PTBP3: variants seen among roughly 807,000 people sequenced by gnomAD.
The protein encoded by PTBP3 is polypyrimidine tract-binding protein 3.
In PTBP3, 20 loss-of-function variants were observed where a neutral mutation model predicts 58.7. The observed-to-expected ratio is 0.34, with a 90% CI of 0.24 to 0.50. The LOEUF (loss-of-function observed/expected upper bound fraction) is 0.50, where lower values mean the gene tolerates loss of function less well. PTBP3 is among the 20% of genes least tolerant of loss of function. The pLI, the probability that PTBP3 is intolerant of heterozygous loss-of-function variation, is 0.98. For missense variants in PTBP3, 509 were observed against 637.2 expected (o/e 0.80, Z 2.17); for synonymous variants, 185 against 219.8 (o/e 0.84, Z 1.40).
At chr9:112,280,746 T>G (rs1827821347) in intron 2 of PTBP3, among the ~76,000 whole-genome samples, 3 of 140,120 alleles carry the variant, frequency 2.1e-5, no homozygotes. Flanking sequence ...TCACTCTTCA[T>G]ACGTGTGTGT....
chr9:112,273,763 A>G (rs1045030822), intron 3 of PTBP3, among the ~76,000 whole-genome samples: 2 of 152,162 alleles, frequency 1.3e-5, no homozygotes, highest in African/African-American at 2.4e-5. Context: ...GGCCCCTGAC[A>G]CTCCATCCTC....
chr9:112,356,084 TCTCCTGCCTCAGC>T, the PTBP3 span, among the ~76,000 whole-genome samples: 2 of 151,120 alleles, frequency 1.3e-5, no homozygotes, highest in African/African-American at 4.9e-5. Flanking sequence ...TTAGATGGAT[TCTCCTGCCTCAGC>T]CTCCCAAGTA....
At chr9:112,359,230 C>A in the PTBP3 span, among the ~76,000 whole-genome samples, 1 of 151,154 alleles carries the variant, frequency 6.6e-6, no homozygotes, top group Admixed American at 6.6e-5. Flanking sequence ...CACCTGAGGT[C>A]AGGAGTTTGA....
upstream of PTBP3, among the ~76,000 whole-genome samples, chr9:112,338,257 T>G (rs1402360328): frequency 6.6e-6 from 1 of 152,194 alleles, no homozygotes. Context: ...GTCTTGATTA[T>G]GGGGTGGTTA....
upstream of PTBP3, among the ~76,000 whole-genome samples, chr9:112,338,018 CAG>C (rs1001811535): frequency 1.3e-5 from 2 of 152,122 alleles, no homozygotes; most frequent in Admixed American, 6.6e-5. Context: ...TTTCCCAAAA[CAG>C]AAACATCTGA....
In PTBP3 at chr9:112,220,021, T is replaced by C; in HGVS notation, c.*3830A>G. On this transcript the variant is annotated 3_prime_UTR_variant, in exon 14 of 14. Transcript: ENST00000374257. Reference sequence around the variant, plus strand: ...GCACAATAGTAGAGTATTTTGAGTCTGGCAGTTTTGTTCTCATTAACAGAT... The same window carrying C: ...GCACAATAGTAGAGTATTTTGAGTCCGGCAGTTTTGTTCTCATTAACAGAT... 1.0e-6 allele frequency: 1 copy of C among 1,000,424 alleles called. No individual in the cohort carries two copies. Among genetic ancestry groups the C allele is most frequent in the Non-Finnish European group, 1.3e-6 (1 of 795,148 alleles). 62.0% of individuals were successfully genotyped at this position (1,000,424 alleles called of 1,614,324 possible).
At chr9:112,217,967 A>G (rs1299056416), downstream of PTBP3, 1 of 152,226 alleles carries the variant, frequency 6.6e-6, no homozygotes, top group Non-Finnish European at 1.5e-5. Flanking sequence ...TACCTTTTTA[A>G]AGAGGACACA....
intron 7 of PTBP3, among the ~76,000 whole-genome samples, chr9:112,238,535 C>T (rs1341270162): frequency 6.6e-6 from 1 of 151,898 alleles, no homozygotes; most frequent in Non-Finnish European, 1.5e-5. Context: ...TCTAGAACCA[C>T]TAAAAATAAC....
chr9:112,369,534 C>T, the PTBP3 span, among the ~76,000 whole-genome samples: 1 of 152,168 alleles, frequency 6.6e-6, no homozygotes, highest in African/African-American at 2.4e-5. Flanking sequence ...CAATTTCTCC[C>T]ATTTGGAATG....
the PTBP3 span, among the ~76,000 whole-genome samples, chr9:112,374,235 C>T: frequency 1.6e-3 from 242 of 152,242 alleles, no homozygotes; most frequent in Non-Finnish European, 3.0e-3. Flanking sequence ...AGGAGGAGCA[C>T]AAAATGTCCA....
At chr9:112,304,379 A>G (rs1312970272) in intron 1 of PTBP3, among the ~76,000 whole-genome samples, 2 of 152,222 alleles carry the variant, frequency 1.3e-5, no homozygotes, top group Non-Finnish European at 2.9e-5. Context: ...CACCTTATTT[A>G]AGCATCTTTA....
chr9:112,242,343 T>C (rs1224655235), intron 7 of PTBP3, among the ~76,000 whole-genome samples: 2 of 151,134 alleles, frequency 1.3e-5, no homozygotes, highest in African/African-American at 4.8e-5. Flanking sequence ...GAGCCAGAGG[T>C]TTTGCCAACT....
chr9:112,277,933 TAACATAACATAATATAAC>T lies in PTBP3; in HGVS notation c.35-1938_35-1921del, dbSNP rs1564427556. On this transcript the variant is annotated intron_variant, in intron 2 of 13. Transcript: ENST00000374257. Reference sequence around the variant, plus strand: ...TAACATAACATAACATAACATAACATAACATAACATAATATAACATAACATAACATAACATAACATAAC... The same window carrying T: ...TAACATAACATAACATAACATAACATATAACATAACATAACATAACATAAC... Among the ~76,000 whole-genome samples the T allele has an allele frequency of 5.0e-3, 489 of 98,064 alleles. 5 individuals are homozygous for T. The highest frequency in any genetic ancestry group is 0.021 in the East Asian group (51 of 2,424). 64.3% of individuals were successfully genotyped at this position (98,064 alleles called of 152,430 possible).
the PTBP3 span, among the ~76,000 whole-genome samples, chr9:112,376,311 T>C: frequency 7.5e-6 from 1 of 134,124 alleles, no homozygotes; most frequent in African/African-American, 2.8e-5. Context: ...TGGAGTGCAG[T>C]GGCGTGGTCT....
downstream of PTBP3, chr9:112,218,022 C>T (rs770711168): frequency 2.0e-5 from 3 of 152,140 alleles, no homozygotes; most frequent in Non-Finnish European, 4.4e-5. Context: ...TGTATGTATA[C>T]TAATGCCGTA....
chr9:112,348,210 C>G, the PTBP3 span, among the ~76,000 whole-genome samples: 1 of 152,170 alleles, frequency 6.6e-6, no homozygotes, highest in East Asian at 1.9e-4. Context: ...GTGTCCCGTC[C>G]AAGGAATGTC....
In PTBP3 at chr9:112,294,605, A is replaced by T. The variant is rs188383408; in HGVS notation, c.34+3227T>A. 2.2e-3 allele frequency among the ~76,000 whole-genome samples: 331 copies of T among 152,364 alleles called. 1 individual carries two copies. The highest frequency in any genetic ancestry group is 7.5e-3 in the African/African-American group (313 of 41,596). On this transcript the variant is annotated intron_variant, in intron 2 of 13. Coordinates refer to ENST00000374257, the MANE Select transcript of PTBP3 (RefSeq NM_001163788.4). ...GCCACCTCCATTGCAATTAAGAACAAGACAAAGATAATCACAAATTACCAC... is the reference window on the plus strand; with the variant it reads ...GCCACCTCCATTGCAATTAAGAACATGACAAAGATAATCACAAATTACCAC...
At chr9:112,288,941 T>A (rs889008760) in intron 2 of PTBP3, among the ~76,000 whole-genome samples, 1 of 152,218 alleles carries the variant, frequency 6.6e-6, no homozygotes, top group Non-Finnish European at 1.5e-5. Flanking sequence ...TAGTGTTTAT[T>A]ATTAAATCAT....
the PTBP3 span, among the ~76,000 whole-genome samples, chr9:112,351,030 C>T: frequency 6.6e-6 from 1 of 152,214 alleles, no homozygotes; most frequent in Non-Finnish European, 1.5e-5. Context: ...AGTGATCTAC[C>T]TGCCTCAGCC....
Sources: allele counts gnomAD v4.1 joint callset (sites outside exome capture counted in the v4.1 genomes callset), GRCh38; gene constraint gnomAD v4.1.1; transcripts MANE v1.5; gene names NCBI Gene and HGNC (gene_info 2026-07-23, HGNC 2026-07-21).